HBS1L: variants seen among roughly 807,000 people sequenced by gnomAD.
HBS1L encodes HBS1-like protein.
Under a neutral mutation model 88.9 loss-of-function variants are expected in HBS1L, and 55 were observed. The ratio of observed to expected loss-of-function variants is 0.62; its 90% CI spans 0.50 to 0.77. The LOEUF is 0.77. HBS1L is among the 30% of genes least tolerant of loss of function. HBS1L has a pLI of 0.00. For synonymous variants in HBS1L, 267 were observed against 288.5 expected, an observed-to-expected ratio of 0.93 and a Z score of 0.76; for missense variants, 741 against 829.3, an observed-to-expected ratio of 0.89 and a Z score of 1.31.
chr6:134,987,983 CAAAG>C (rs908768881), intron 8 of HBS1L, among the ~76,000 whole-genome samples, 192 bp from the exon 9 acceptor site: 1 of 151,690 alleles, frequency 6.6e-6, no homozygotes, highest in Non-Finnish European at 1.5e-5. Context: ...AATAATGACA[CAAAG>C]AACAATAAAA....
intron 5 of HBS1L, among the ~76,000 whole-genome samples, chr6:135,002,049 A>G (rs147961540): frequency 1.2e-4 from 18 of 150,454 alleles, no homozygotes; most frequent in African/African-American, 4.4e-4. Context: ...CAGACAAAAT[A>G]CATATAATTT....
chr6:135,050,229 A>C (rs1369721652), intron 2 of HBS1L, among the ~76,000 whole-genome samples: 1 of 152,226 alleles, frequency 6.6e-6, no homozygotes, highest in Non-Finnish European at 1.5e-5. Flanking sequence ...CCAAGTTTCT[A>C]ATACTCAAAA....
intron 8 of HBS1L, among the ~76,000 whole-genome samples, chr6:134,989,619 C>T (rs1461389737): frequency 2.0e-5 from 3 of 152,182 alleles, no homozygotes; most frequent in Non-Finnish European, 4.4e-5. Context: ...CAGATACTTT[C>T]TTACAACAGA....
At chr6:135,017,783 T>C (rs1164288166) in intron 4 of HBS1L, among the ~76,000 whole-genome samples, 3 of 152,082 alleles carry the variant, frequency 2.0e-5, no homozygotes, top group African/African-American at 7.2e-5. Flanking sequence ...TTCCCTTTTA[T>C]TACATTAATA....
At position 134,961,378 on chromosome 6, in the gene HBS1L, A is replaced by C. The variant is rs146079751; in HGVS notation, c.*3901T>G. Reference sequence around the variant, plus strand: ...CATACTTAAATGGTTTCAGTGTGAAAAAGCAGCTTCTGACCTAGCATTCAC... The same window carrying C: ...CATACTTAAATGGTTTCAGTGTGAACAAGCAGCTTCTGACCTAGCATTCAC... On this transcript the variant is annotated 3_prime_UTR_variant, in exon 18 of 18. Coordinates refer to ENST00000367837, the MANE Select transcript of HBS1L (RefSeq NM_006620.4). 4.6e-5 allele frequency: 7 copies of C among 152,260 alleles called. No individual in the cohort carries two copies. The highest frequency in any genetic ancestry group is 7.4e-5 in the Non-Finnish European group (5 of 68,004). The allele number at this position is 152,260 out of a possible 1,614,324, so 9.4% of individuals were successfully genotyped here.
chr6:135,004,555 C>T (rs1378326829), intron 4 of HBS1L, among the ~76,000 whole-genome samples: 2 of 152,102 alleles, frequency 1.3e-5, no homozygotes, highest in Non-Finnish European at 2.9e-5. Flanking sequence ...TGGGCAGGGC[C>T]AGACAGTGCA....
chr6:134,974,478 AC>A (rs1774585456), intron 15 of HBS1L, among the ~76,000 whole-genome samples: 1 of 152,082 alleles, frequency 6.6e-6, no homozygotes, highest in African/African-American at 2.4e-5. Flanking sequence ...ACAGACCAAC[AC>A]CCCTGATAAA....
chr6:135,030,333 C>T (rs1041168622), intron 4 of HBS1L, among the ~76,000 whole-genome samples: 11 of 151,954 alleles, frequency 7.2e-5, no homozygotes, highest in African/African-American at 2.7e-4. Flanking sequence ...TATGAAAGTT[C>T]CCCTACCCCA....
intron 16 of HBS1L, 40 bp from the exon 17 acceptor site, chr6:134,966,513 G>T: frequency 1.5e-6 from 2 of 1,330,906 alleles, no homozygotes; most frequent in East Asian, 2.5e-5. Context: ...ATATGATAGA[G>T]GTGAATAAAT....
At chr6:134,973,490 T>C (rs1007456725) in intron 15 of HBS1L, among the ~76,000 whole-genome samples, 1 of 152,102 alleles carries the variant, frequency 6.6e-6, no homozygotes, top group Admixed American at 6.6e-5. Flanking sequence ...ATTTTCAGTT[T>C]GGGATGTTGA....
intron 4 of HBS1L, chr6:135,037,647 G>A: frequency 6.5e-7 from 1 of 1,549,336 alleles, no homozygotes; most frequent in Non-Finnish European, 8.7e-7. Context: ...CTTTGGAAAT[G>A]CATTCAGATG....
chr6:135,042,727 C>T (rs771219727), intron 2 of HBS1L, among the ~76,000 whole-genome samples: 2 of 151,198 alleles, frequency 1.3e-5, no homozygotes, highest in Admixed American at 6.6e-5. Flanking sequence ...GCAGGGGAAC[C>T]GTTTGAACCC....
intron 8 of HBS1L, among the ~76,000 whole-genome samples, chr6:134,992,490 G>A (rs753744050): frequency 6.6e-6 from 1 of 152,156 alleles, no homozygotes; most frequent in Non-Finnish European, 1.5e-5. Flanking sequence ...ACTTTATAAT[G>A]ATAATTATGA....
At chr6:134,985,433 G>T in intron 11 of HBS1L, 24 bp from the exon 12 acceptor site, 4 of 1,498,562 alleles carry the variant, frequency 2.7e-6, no homozygotes, top group Non-Finnish European at 3.7e-6. Context: ...ATTGCAAAAG[G>T]CAAGGTTTAA....
chr6:135,038,364 C>T (rs796688820), intron 4 of HBS1L, among the ~76,000 whole-genome samples: 5 of 122,488 alleles, frequency 4.1e-5, no homozygotes, highest in African/African-American at 1.4e-4. Context: ...AATTCAAAAA[C>T]TTCTTTAAAA....
chr6:135,027,945 T>C (rs1285793613), intron 4 of HBS1L, among the ~76,000 whole-genome samples: 2 of 152,068 alleles, frequency 1.3e-5, no homozygotes, highest in African/African-American at 4.8e-5. Context: ...TTTTGTATTT[T>C]TGGTAGAGAT....
intron 4 of HBS1L, among the ~76,000 whole-genome samples, chr6:135,024,958 C>T (rs879875995): frequency 4.6e-5 from 7 of 152,068 alleles, no homozygotes; most frequent in East Asian, 1.9e-4. Flanking sequence ...AACCATTATA[C>T]GTAAGCTCCT....
intron 4 of HBS1L, among the ~76,000 whole-genome samples, chr6:135,008,951 T>A (rs1775688587): frequency 6.6e-6 from 1 of 152,140 alleles, no homozygotes; most frequent in South Asian, 2.1e-4. Context: ...ACCTCTATTG[T>A]CTTTATAAGT....
intron 15 of HBS1L, among the ~76,000 whole-genome samples, chr6:134,970,027 T>G (rs184494384): frequency 3.6e-4 from 55 of 152,290 alleles, no homozygotes; most frequent in Middle Eastern, 3.4e-3. Context: ...TATGATATGA[T>G]TTATGATTTA....
Sources: allele counts gnomAD v4.1 joint callset (sites outside exome capture counted in the v4.1 genomes callset), GRCh38; gene constraint gnomAD v4.1.1; transcripts MANE v1.5; gene names NCBI Gene and HGNC (gene_info 2026-07-23, HGNC 2026-07-21).